The following SLC7A10 variants were observed in gnomAD, a reference collection of about 807,000 sequenced individuals.
SLC7A10 encodes the protein solute carrier family 7 member 10.
In SLC7A10, 30 loss-of-function variants were observed where a neutral mutation model predicts 52.7. The observed-to-expected ratio is 0.57, with a 90% confidence interval of 0.43 to 0.77. The LOEUF (loss-of-function observed/expected upper bound fraction) is 0.77, where lower values mean the gene tolerates loss of function less well. Ranked by LOEUF, SLC7A10 falls within the 30% of genes least tolerant of loss-of-function variation. The pLI is 0.00. For missense variants in SLC7A10, 581 were observed against 698.5 expected (o/e 0.83, Z 1.90); for synonymous variants, 318 against 314.9 (o/e 1.01, Z -0.10).
intron 1 of SLC7A10, among the ~76,000 whole-genome samples, chr19:33,223,357 G>GGAAA: frequency 6.6e-6 from 1 of 151,294 alleles, no homozygotes; most frequent in Non-Finnish European, 1.5e-5. Flanking sequence ...AGGAAAGGAA[G>GGAAA]CAGGACGTCA....
At chr19:33,224,245 A>T (rs1202968326) in intron 1 of SLC7A10, among the ~76,000 whole-genome samples, 2 of 152,104 alleles carry the variant, frequency 1.3e-5, no homozygotes, top group African/African-American at 4.8e-5. Context: ...TGGGCCAAGA[A>T]AAAGCTCTAA....
intron 2 of SLC7A10, 74 bp from the exon 3 acceptor site, chr19:33,213,076 A>G: frequency 6.5e-7 from 1 of 1,545,860 alleles, no homozygotes; most frequent in Non-Finnish European, 8.7e-7. Flanking sequence ...TGATGTGTGC[A>G]GCAGGGCTGC....
intron 7 of SLC7A10, 105 bp downstream of exon 7, chr19:33,211,120 A>G (rs760305759): frequency 8.6e-7 from 1 of 1,156,558 alleles, no homozygotes; most frequent in South Asian, 1.2e-5. Flanking sequence ...CTTCAGGCAG[A>G]CCCCTCCCCC....
Position 33,210,393 on chromosome 19 carries a change from C to A in SLC7A10, c.1263+74G>T. On this transcript the variant is annotated intron_variant, in intron 9 of 10. Coordinates refer to ENST00000253188, the MANE Select transcript of SLC7A10 (RefSeq NM_019849.3). The surrounding 1 kb of genome is among the most constrained non-coding windows in gnomAD (Gnocchi z 5.6). ...AGCTGGCACCTCCCATCCCACCTGC[C>A]CCTGGTGCCCACTGTGGATGCAGGG... 1 of 1,524,520 alleles carries A rather than the reference C, an allele frequency of 6.6e-7. No individual in the cohort carries two copies. Among genetic ancestry groups the A allele is most frequent in the South Asian group, 1.2e-5 (1 of 83,260 alleles). The allele number at this position is 1,524,520 out of a possible 1,614,324, so 94.4% of individuals were successfully genotyped here. A position where few individuals can be genotyped will look rare whatever the true frequency, so the allele number is the denominator to read the frequency against.
Position 33,215,968 on chromosome 19 carries a change from T to C in SLC7A10, c.157A>G (p.Ile53Val), listed in dbSNP as rs1765646487. Reference protein sequence around the residue: ...LSACTIIIGNIIGSGIFISPK... With the variant: ...LSACTIIIGNVIGSGIFISPK... ...GAGATGAAGATGCCCGAGCCGATGA[T>C]GTTCCCTGCAGGGGGAGAGATGGGG... is the stretch of plus-strand genomic sequence containing the variant. Residue 53 changes from isoleucine to valine, a missense_variant, in exon 2 of 11, where the codon ATC (isoleucine) becomes GTC (valine). Ile to Val is a conservative substitution (Grantham distance 29). Coordinates refer to ENST00000253188, the MANE Select transcript of SLC7A10 (RefSeq NM_019849.3). 9.5e-6 allele frequency: 15 copies of C among 1,584,950 alleles called. No homozygotes were observed. Among genetic ancestry groups the C allele is most frequent in the Non-Finnish European group, 1.2e-5 (14 of 1,159,124 alleles).
chr19:33,211,588 C>T, intron 5 of SLC7A10, 51 bp from the exon 6 acceptor site: 3 of 1,612,848 alleles, frequency 1.9e-6, no homozygotes, highest in Non-Finnish European at 2.5e-6. Context: ...GGGTGCAGGA[C>T]CCCCGAGACC....
chr19:33,216,167 A>G (rs957186975), intron 1 of SLC7A10, among the ~76,000 whole-genome samples, 194 bp from the exon 2 acceptor site: 4 of 152,090 alleles, frequency 2.6e-5, no homozygotes, highest in Non-Finnish European at 5.9e-5. Context: ...TGGGCTCATC[A>G]TCTGCCCCTT....
chr19:33,218,661 A>ATTTCTTTCTTTTCTTTCTTTCTCTCTCTC (rs1555733769), intron 1 of SLC7A10, among the ~76,000 whole-genome samples: 1 of 51,162 alleles, frequency 2.0e-5, no homozygotes, highest in African/African-American at 5.2e-5. Flanking sequence ...GGACCGGTGG[A>ATTTCTTTCTTTTCTTTCTTTCTCTCTCTC]TTTCTTTCTT....
chr19:33,213,415 A>C (rs1197407789), intron 2 of SLC7A10, among the ~76,000 whole-genome samples: 5 of 151,682 alleles, frequency 3.3e-5, no homozygotes, highest in African/African-American at 1.2e-4. Context: ...CAGTCTCCCA[A>C]GTAGCTGGGA....
At position 33,209,637 on chromosome 19, in the gene SLC7A10, C is replaced by T. The variant is rs567173241; in HGVS notation, c.1264-152G>A. On this transcript the variant is annotated intron_variant, in intron 9 of 10. Coordinates refer to ENST00000253188, the MANE Select transcript of SLC7A10 (RefSeq NM_019849.3). ...ACTACACCCCCTCTTGGCGACAGCC[C>T]AGTGTGTTGGAGGCCAATTCATGGG... 4 of 820,852 alleles carry T rather than the reference C, an allele frequency of 4.9e-6. No individual in the cohort carries two copies. The Admixed American group carries it at 8.7e-5, about 18-fold the overall frequency. 50.8% of individuals were successfully genotyped at this position (820,852 alleles called of 1,614,324 possible).
intron 1 of SLC7A10, among the ~76,000 whole-genome samples, chr19:33,224,970 C>G (rs999593982): frequency 6.6e-6 from 1 of 152,236 alleles, no homozygotes; most frequent in Non-Finnish European, 1.5e-5. Flanking sequence ...CGCCCCCTCT[C>G]CTGGGTCCTG....
At chr19:33,222,408 AAATAT>A (rs1325571649) in intron 1 of SLC7A10, among the ~76,000 whole-genome samples, 3 of 138,118 alleles carry the variant, frequency 2.2e-5, no homozygotes, top group East Asian at 4.0e-4. Flanking sequence ...TAATAAAATA[AAATAT>A]AAAATAAAAT....
At position 33,210,841 on chromosome 19, in the gene SLC7A10, G is replaced by A. The variant is rs191645758; in HGVS notation, c.1074C>T (p.His358=). 501 of 1,613,588 alleles carry A rather than the reference G, an allele frequency of 3.1e-4. 1 individual carries two copies. Among genetic ancestry groups the A allele is most frequent in the South Asian group, 2.6e-3 (237 of 91,082 alleles). Residue 358 remains histidine, a synonymous_variant, in exon 8 of 11, where the codon CAC becomes CAT. Coordinates refer to ENST00000253188, the MANE Select transcript of SLC7A10 (RefSeq NM_019849.3). This position sits in a 1 kb window ranked among gnomAD's most constrained non-coding sequence, Gnocchi z 5.6. The part of the protein sequence containing the change: ...GHLPSLLAMI[H]VRHCTPIPAL... ...CGGGGATGGGGGTGCAGTGTCTGAC[G>A]TGGATCATGGCCAGCAGGCTGGGCA...
At position 33,210,817 on chromosome 19, in the gene SLC7A10, G is replaced by A. The variant is rs770455271; in HGVS notation, c.1098C>T (p.Pro366=). Residue 366 remains proline, a synonymous_variant, in exon 8 of 11, where the codon CCC becomes CCT. Coordinates refer to ENST00000253188, the MANE Select transcript of SLC7A10 (RefSeq NM_019849.3). This position sits in a 1 kb window ranked among gnomAD's most constrained non-coding sequence, Gnocchi z 5.6. ...CCCAACTTACACAGACGAGGAGGGC[G>A]GGGATGGGGGTGCAGTGTCTGACGT... is the stretch of plus-strand genomic sequence containing the variant. ...MIHVRHCTPI[P]ALLVCCGATA... 6.9e-5 allele frequency: 112 copies of A among 1,613,444 alleles called. No individual in the cohort carries two copies. Among genetic ancestry groups the A allele is most frequent in the South Asian group, 4.5e-4 (41 of 91,088 alleles).
At chr19:33,212,144 C>A (rs1011326152) in intron 5 of SLC7A10, 148 bp downstream of exon 5, 20 of 1,182,232 alleles carry the variant, frequency 1.7e-5, no homozygotes, top group Non-Finnish European at 2.3e-5. Flanking sequence ...CCCCGGCTTT[C>A]TTCCCAGGGC....
At position 33,209,236 on chromosome 19, in the gene SLC7A10, G is replaced by A. The variant is rs891174200; in HGVS notation, c.1441+72C>T. ...GCTAGGACACCCTGCTCTGGGGTGA[G>A]CCTCTAAGAGGGAGGTCTGGTCTCC... On this transcript the variant is annotated intron_variant, in intron 10 of 10. Coordinates refer to ENST00000253188, the MANE Select transcript of SLC7A10 (RefSeq NM_019849.3). 2.5e-6 allele frequency: 4 copies of A among 1,594,260 alleles called. No individual in the cohort carries two copies. The African/African-American group carries it at 4.0e-5, about 16-fold the overall frequency.
chr19:33,210,111 T>C lies in SLC7A10; in HGVS notation c.1263+356A>G, dbSNP rs1199832328. ...GCGCACCACCACACCAGGCTAACCCTTTTATTTTTAACTTTTTGCAGAGAG... is the reference window on the plus strand; with the variant it reads ...GCGCACCACCACACCAGGCTAACCCCTTTATTTTTAACTTTTTGCAGAGAG... On this transcript the variant is annotated intron_variant, in intron 9 of 10. Transcript: ENST00000253188. The surrounding 1 kb of genome is among the most constrained non-coding windows in gnomAD (Gnocchi z 5.6). Among the ~76,000 whole-genome samples, 1 of 151,976 alleles carries C rather than the reference T, an allele frequency of 6.6e-6. No individual in the cohort carries two copies. The highest frequency in any genetic ancestry group is 2.4e-5 in the African/African-American group (1 of 41,366).
At chr19:33,217,408 G>T (rs191355119) in intron 1 of SLC7A10, among the ~76,000 whole-genome samples, 1 of 152,308 alleles carries the variant, frequency 6.6e-6, no homozygotes, top group South Asian at 2.1e-4. Flanking sequence ...TGCCTGCTGA[G>T]CCCTGAGCTC....
At chr19:33,217,060 A>G (rs1180848570) in intron 1 of SLC7A10, among the ~76,000 whole-genome samples, 2 of 149,742 alleles carry the variant, frequency 1.3e-5, no homozygotes, top group African/African-American at 4.9e-5. Context: ...TACTTTTTGT[A>G]GAGACAGGTT....
Sources: allele counts gnomAD v4.1 joint callset (sites outside exome capture counted in the v4.1 genomes callset), GRCh38; gene constraint gnomAD v4.1.1; non-coding constraint Gnocchi (gnomAD v3.1); transcripts MANE v1.5; gene names NCBI Gene and HGNC (gene_info 2026-07-23, HGNC 2026-07-21).